HDAC8: variants seen among roughly 807,000 people sequenced by gnomAD.
The protein encoded by HDAC8 is histone deacetylase 8, also known as histone deacetylase-like 1.
Under a neutral mutation model 32.2 loss-of-function variants are expected in HDAC8, and 1 was observed. The ratio of observed to expected loss-of-function variants is 0.03; its 90% CI spans 0.01 to 0.15. The LOEUF (loss-of-function observed/expected upper bound fraction) is 0.15. Ranked by LOEUF, HDAC8 falls within the 10% of genes least tolerant of loss-of-function variation. The probability of loss-of-function intolerance (pLI) is 1.00; values close to 1 mark genes in which losing one functional copy is unlikely to be tolerated. For missense variants in HDAC8, 117 were observed against 300.0 expected, an observed-to-expected ratio of 0.39 and a Z score of 4.51; for synonymous variants, 108 against 113.9, an observed-to-expected ratio of 0.95 and a Z score of 0.33.
intron 10 of HDAC8, among the ~76,000 whole-genome samples, chrX:72,331,961 A>T (rs2043537881): frequency 8.9e-6 from 1 of 112,464 alleles, no homozygotes; most frequent in South Asian, 3.7e-4. Context: ...AAGTCCCAAC[A>T]ACCATTCATC....
intron 10 of HDAC8, among the ~76,000 whole-genome samples, chrX:72,330,550 C>G (rs1024643168): frequency 8.9e-6 from 1 of 111,870 alleles, no homozygotes; most frequent in Middle Eastern, 4.2e-3. Context: ...AAGGCACAAC[C>G]CTCCTAGCAT....
chrX:72,423,343 T>C (rs939987291), intron 9 of HDAC8, among the ~76,000 whole-genome samples: 1 of 111,890 alleles, frequency 8.9e-6, no homozygotes, highest in East Asian at 2.8e-4. Flanking sequence ...TGTTTCCAAT[T>C]TTTACTCCCC....
At chrX:72,420,045 G>A (rs2046444066) in intron 9 of HDAC8, among the ~76,000 whole-genome samples, 1 of 111,557 alleles carries the variant, frequency 9.0e-6, no homozygotes, top group African/African-American at 3.2e-5. Flanking sequence ...ATATTCATAA[G>A]ATACATTGCA....
intron 9 of HDAC8, among the ~76,000 whole-genome samples, chrX:72,370,512 C>T (rs1347626293): frequency 8.1e-5 from 9 of 111,686 alleles, no homozygotes; most frequent in Admixed American, 1.9e-4. Flanking sequence ...AGGCATGTGG[C>T]ACCACACCTG....
In HDAC8 at chrX:72,330,008, A is replaced by G. The variant is rs1420633713; in HGVS notation, c.*46T>C. On this transcript the variant is annotated 3_prime_UTR_variant, in exon 11 of 11. Transcript: ENST00000373573. Reference sequence around the variant, plus strand: ...CTTGCATAAACACGCTGTCTTCATTATAGGCACCACTCCTCAGCTCTGGAA... The same window carrying G: ...CTTGCATAAACACGCTGTCTTCATTGTAGGCACCACTCCTCAGCTCTGGAA... The G allele has an allele frequency of 1.8e-6, 2 of 1,131,544 alleles. No individual in the cohort carries two copies. Among genetic ancestry groups the G allele is most frequent in the African/African-American group, 1.8e-5 (1 of 55,468 alleles). 93.3% of individuals were successfully genotyped at this position (1,131,544 alleles called of 1,213,427 possible).
At chrX:72,336,050 T>C (rs1317654590) in intron 10 of HDAC8, among the ~76,000 whole-genome samples, 2 of 111,969 alleles carry the variant, frequency 1.8e-5, no homozygotes, top group East Asian at 5.6e-4. Context: ...CTAAGGAGTG[T>C]GATTGCTAGA....
In HDAC8 at chrX:72,533,466, A is replaced by C. The variant is rs938159144; in HGVS notation, c.437+34423T>G. Among the ~76,000 whole-genome samples the C allele has an allele frequency of 3.6e-5, 4 of 111,612 alleles. No individual in the cohort carries two copies. In the Admixed American group the frequency reaches 3.8e-4, roughly 11 times the overall value. On this transcript the variant is annotated intron_variant, in intron 4 of 10. Transcript: ENST00000373573. ...AGTAGAAATAATACCAGTTATCTAC[A>C]TTGTCTCCTAGAACTAGAAACAGAC... is the stretch of plus-strand genomic sequence containing the variant.
chrX:72,393,285 A>G (rs1348335508), intron 9 of HDAC8, among the ~76,000 whole-genome samples: 2 of 111,691 alleles, frequency 1.8e-5, no homozygotes, highest in African/African-American at 6.5e-5. Context: ...TACAGTGAAG[A>G]AAGAAAAGGA....
At chrX:72,442,546 G>A (rs1159308965) in intron 9 of HDAC8, among the ~76,000 whole-genome samples, 1 of 111,699 alleles carries the variant, frequency 9.0e-6, no homozygotes, top group Non-Finnish European at 1.9e-5. Context: ...CACTAAACAT[G>A]GAAAAGAACA....
chrX:72,570,557 C>G (rs1045449501), intron 2 of HDAC8, among the ~76,000 whole-genome samples: 3 of 102,652 alleles, frequency 2.9e-5, no homozygotes, highest in East Asian at 6.3e-4. Context: ...TGCAATGAGC[C>G]GAGATCGCGC....
chrX:72,347,502 C>G lies in HDAC8; in HGVS notation c.1111+4231G>C, dbSNP rs781978735. 1.3e-4 allele frequency among the ~76,000 whole-genome samples: 14 copies of G among 111,927 alleles called. No homozygotes were observed. In the South Asian group the frequency reaches 4.2e-3, roughly 34 times the overall value. On this transcript the variant is annotated intron_variant, in intron 10 of 10. Transcript: ENST00000373573. ...CAAATGCACAACTCCCCCACTCCTGCTCCCCAAGAGGATTGGGCCTGGGCT... is the reference window on the plus strand; with the variant it reads ...CAAATGCACAACTCCCCCACTCCTGGTCCCCAAGAGGATTGGGCCTGGGCT...
At chrX:72,450,895 T>C (rs2047553175) in intron 9 of HDAC8, among the ~76,000 whole-genome samples, 2 of 111,751 alleles carry the variant, frequency 1.8e-5, no homozygotes, top group Non-Finnish European at 3.8e-5. Flanking sequence ...ATCCCTAATC[T>C]GAAAATCCAA....
intron 9 of HDAC8, among the ~76,000 whole-genome samples, chrX:72,445,846 T>C (rs1214306275): frequency 1.1e-4 from 12 of 110,464 alleles, no homozygotes; most frequent in Admixed American, 8.7e-4. Flanking sequence ...AAGAAAAAAA[T>C]AAACAACCCC....
chrX:72,383,329 C>T (rs1300722730), intron 9 of HDAC8, among the ~76,000 whole-genome samples: 2 of 111,968 alleles, frequency 1.8e-5, no homozygotes, highest in Non-Finnish European at 3.8e-5. Context: ...ATTGGGAATT[C>T]ATGGATTTAT....
At chrX:72,567,588 T>C in intron 4 of HDAC8, 1 of 502,372 alleles carries the variant, frequency 2.0e-6, no homozygotes, top group Non-Finnish European at 3.3e-6. Flanking sequence ...TGTCTAGTTG[T>C]ATCCTTTGTT....
intron 10 of HDAC8, among the ~76,000 whole-genome samples, chrX:72,337,839 C>T (rs1203752344): frequency 1.8e-5 from 2 of 112,334 alleles, no homozygotes; most frequent in African/African-American, 6.5e-5. Flanking sequence ...TCCTTGCTCA[C>T]TTGAGTCTTC....
rs918299734 is a variant in HDAC8 at position 72,332,023 on chromosome X, C to A, written c.1112-1947G>T. ...TTTTGAGAATGTTATAGAAATGGAA[C>A]CATACAGTATATAAACTTTTGAGAT... On this transcript the variant is annotated intron_variant, in intron 10 of 10. Transcript: ENST00000373573. 8.9e-5 allele frequency among the ~76,000 whole-genome samples: 10 copies of A among 112,367 alleles called. 1 individual carries two copies. Among genetic ancestry groups the A allele is most frequent in the Non-Finnish European group, 1.9e-4 (10 of 53,302 alleles).
chrX:72,345,241 T>C (rs1190860413), intron 10 of HDAC8, among the ~76,000 whole-genome samples: 1 of 111,093 alleles, frequency 9.0e-6, no homozygotes, highest in Non-Finnish European at 1.9e-5. Context: ...CTTCTGAAGC[T>C]CACTTTGGGA....
intron 6 of HDAC8, among the ~76,000 whole-genome samples, chrX:72,489,587 A>G (rs1182335981): frequency 9.1e-6 from 1 of 110,495 alleles, no homozygotes; most frequent in Admixed American, 9.7e-5. Context: ...CTTACACCTT[A>G]TACAAAAATT....
Sources: allele counts gnomAD v4.1 joint callset (sites outside exome capture counted in the v4.1 genomes callset), GRCh38; gene constraint gnomAD v4.1.1; transcripts MANE v1.5; gene names NCBI Gene and HGNC (gene_info 2026-07-23, HGNC 2026-07-21).